FAM171A1: variants seen among roughly 807,000 people sequenced by gnomAD.
The protein encoded by FAM171A1 is protein FAM171A1.
In FAM171A1, 23 loss-of-function variants were observed where a neutral mutation model predicts 74.9. The ratio of observed to expected loss-of-function variants is 0.31; its 90% CI spans 0.22 to 0.44. The LOEUF (loss-of-function observed/expected upper bound fraction) is 0.44. Among genes scored for constraint, FAM171A1 ranks in the 20% least tolerant of loss-of-function variants. The pLI, the probability that FAM171A1 is intolerant of heterozygous loss-of-function variation, is 1.00. For missense variants in FAM171A1, 1,162 were observed against 1,159.2 expected (o/e 1.00, Z -0.03); for synonymous variants, 527 against 505.7 (o/e 1.04, Z -0.57).
chr10:15,322,626 C>T (rs548811836), intron 1 of FAM171A1, among the ~76,000 whole-genome samples: 2 of 152,314 alleles, frequency 1.3e-5, no homozygotes, highest in African/African-American at 4.8e-5. Context: ...TTCAAGCCGA[C>T]AGCCCGAAGG....
intron 1 of FAM171A1, among the ~76,000 whole-genome samples, chr10:15,338,342 A>G (rs1835727370): frequency 6.6e-6 from 1 of 152,214 alleles, no homozygotes; most frequent in South Asian, 2.1e-4. Flanking sequence ...AAAATAAACA[A>G]TATACATTAT....
At chr10:15,238,073 A>G (rs796375253) in intron 5 of FAM171A1, among the ~76,000 whole-genome samples, 6 of 152,318 alleles carry the variant, frequency 3.9e-5, no homozygotes, top group African/African-American at 1.4e-4. Flanking sequence ...CACGTCACAC[A>G]TCTACGCACA....
intron 1 of FAM171A1, among the ~76,000 whole-genome samples, chr10:15,359,723 G>A (rs4750631): frequency 0.98 from 149,322 of 152,290 alleles, 73,264 homozygotes; most frequent in Middle Eastern, 1. Flanking sequence ...CCAGAGAGAC[G>A]TCGCAGAAGG....
At chr10:15,290,194 C>T (rs1369870883) in intron 1 of FAM171A1, among the ~76,000 whole-genome samples, 1 of 151,776 alleles carries the variant, frequency 6.6e-6, no homozygotes, top group Non-Finnish European at 1.5e-5. Context: ...CGCCATTGCA[C>T]TCCAGCCTGG....
chr10:15,216,958 TA>T (rs1185566181), intron 6 of FAM171A1, among the ~76,000 whole-genome samples: 2 of 152,112 alleles, frequency 1.3e-5, no homozygotes, highest in African/African-American at 4.8e-5. Context: ...TCCTGTGACT[TA>T]AAAAAGTCAG....
At chr10:15,302,656 C>T (rs1835245867) in intron 1 of FAM171A1, among the ~76,000 whole-genome samples, 1 of 152,134 alleles carries the variant, frequency 6.6e-6, no homozygotes, top group African/African-American at 2.4e-5. Context: ...CATCTTAGTT[C>T]CCTTTTAAAC....
chr10:15,331,461 T>C (rs970438815), intron 1 of FAM171A1, among the ~76,000 whole-genome samples: 8 of 152,076 alleles, frequency 5.3e-5, no homozygotes, highest in Non-Finnish European at 1.0e-4. Flanking sequence ...TGAACACAGA[T>C]GGGCACAGCA....
At position 15,294,315 on chromosome 10, in the gene FAM171A1, C is replaced by T. The variant is rs1180264315; in HGVS notation, c.98-10210G>A. Among the ~76,000 whole-genome samples the T allele has an allele frequency of 3.3e-5, 5 of 152,156 alleles. No individual in the cohort carries two copies. The East Asian group carries it at 5.8e-4, about 18-fold the overall frequency. ...CTGCACCTCATGGCTCTCCTTCCAC[C>T]GTGCACCTTCCTTCTCAGTACCCAC... is the stretch of plus-strand genomic sequence containing the variant. On this transcript the variant is annotated intron_variant, in intron 1 of 7. Transcript: ENST00000378116.
intron 1 of FAM171A1, among the ~76,000 whole-genome samples, chr10:15,321,721 C>T (rs1479916497): frequency 6.6e-6 from 1 of 152,148 alleles, no homozygotes. Context: ...GGCTTCCAAA[C>T]CAAAATGGTT....
intron 2 of FAM171A1, among the ~76,000 whole-genome samples, chr10:15,277,306 C>T (rs562544290): frequency 6.6e-6 from 1 of 152,256 alleles, no homozygotes; most frequent in Non-Finnish European, 1.5e-5. Flanking sequence ...CAACCTCCGC[C>T]TCGCAGGTTC....
At chr10:15,357,645 CTAAT>C (rs2131886055) in intron 1 of FAM171A1, among the ~76,000 whole-genome samples, 1 of 152,230 alleles carries the variant, frequency 6.6e-6, no homozygotes, top group East Asian at 1.9e-4. Context: ...ATATGGAACA[CTAAT>C]TAATGAGATA....
At chr10:15,304,575 A>C (rs1004837583) in intron 1 of FAM171A1, among the ~76,000 whole-genome samples, 1 of 152,118 alleles carries the variant, frequency 6.6e-6, no homozygotes, top group Non-Finnish European at 1.5e-5. Flanking sequence ...CCTTCCTGAA[A>C]AAACCTCAAT....
intron 1 of FAM171A1, among the ~76,000 whole-genome samples, chr10:15,302,914 C>T (rs78274954): frequency 1.3e-5 from 2 of 152,140 alleles, no homozygotes; most frequent in Admixed American, 6.5e-5. Context: ...TAAGGCCGGG[C>T]GCGGTGGCTC....
chr10:15,324,944 C>T (rs936880662), intron 1 of FAM171A1, among the ~76,000 whole-genome samples: 3 of 152,104 alleles, frequency 2.0e-5, no homozygotes, highest in South Asian at 4.1e-4. Flanking sequence ...ACTTGCACTC[C>T]GCATCTGAGG....
intron 1 of FAM171A1, among the ~76,000 whole-genome samples, chr10:15,291,658 G>A (rs969021501): frequency 3.3e-5 from 5 of 152,156 alleles, no homozygotes; most frequent in Non-Finnish European, 7.3e-5. Flanking sequence ...CTTCACTCAA[G>A]TCCTTCAGTG....
upstream of FAM171A1, among the ~76,000 whole-genome samples, chr10:15,373,052 C>T (rs1183634004): frequency 6.6e-6 from 1 of 151,978 alleles, no homozygotes; most frequent in African/African-American, 2.4e-5. Context: ...TGGCAGGCAC[C>T]GTACCAAAAA....
At chr10:15,362,876 A>AT (rs1836012000) in intron 1 of FAM171A1, among the ~76,000 whole-genome samples, 5 of 152,202 alleles carry the variant, frequency 3.3e-5, no homozygotes, top group Admixed American at 6.5e-5. Flanking sequence ...TTAGGCATTT[A>AT]TTTTTCCACT....
At chr10:15,343,628 G>A (rs1835789212) in intron 1 of FAM171A1, among the ~76,000 whole-genome samples, 1 of 152,126 alleles carries the variant, frequency 6.6e-6, no homozygotes. Flanking sequence ...CCTGTATAAA[G>A]GCAGGGTGGC....
chr10:15,353,754 A>G (rs1052002178), intron 1 of FAM171A1, among the ~76,000 whole-genome samples: 1 of 152,184 alleles, frequency 6.6e-6, no homozygotes, highest in African/African-American at 2.4e-5. Context: ...TGTTCTCTAC[A>G]TGGTACAGCT....
Sources: allele counts gnomAD v4.1 joint callset (sites outside exome capture counted in the v4.1 genomes callset), GRCh38; gene constraint gnomAD v4.1.1; transcripts MANE v1.5; gene names NCBI Gene and HGNC (gene_info 2026-07-23, HGNC 2026-07-21).